Variants in FILIP1L observed in about 807,000 individuals in gnomAD.
The protein encoded by FILIP1L is filamin A interacting protein 1 like.
In FILIP1L, 55 loss-of-function variants were observed where a neutral mutation model predicts 96.6. The ratio of observed to expected loss-of-function variants is 0.57; its 90% confidence interval spans 0.46 to 0.71. The LOEUF (loss-of-function observed/expected upper bound fraction) is 0.71, where lower values mean the gene tolerates loss of function less well. FILIP1L is among the 30% of genes least tolerant of loss of function. The pLI is 0.00. For synonymous variants in FILIP1L, 467 were observed against 473.9 expected (o/e 0.99, Z 0.19); for missense variants, 1,304 against 1,321.2 (o/e 0.99, Z 0.20).
chr3:99,885,759 A>C lies in FILIP1L; in HGVS notation c.606-34689T>G, dbSNP rs145466480. ...CCTTCTTCTTCCCTCCTCTCTGCCC[A>C]AAAGACACACACACAAACACACACA... is the stretch of plus-strand genomic sequence containing the variant. On this transcript the variant is annotated intron_variant, in intron 4 of 5. Transcript: ENST00000477258. Among the ~76,000 whole-genome samples, 1,100 of 152,250 alleles carry C rather than the reference A, an allele frequency of 7.2e-3. 19 individuals carry two copies. Among genetic ancestry groups the C allele is most frequent in the African/African-American group, 0.024 (1,015 of 41,564 alleles).
At chr3:100,016,109 C>A (rs916790755) in intron 1 of FILIP1L, among the ~76,000 whole-genome samples, 2 of 152,028 alleles carry the variant, frequency 1.3e-5, no homozygotes, top group African/African-American at 4.8e-5. Context: ...CCTTGCAGGC[C>A]GTTTTGTGGA....
At chr3:99,851,212 A>G (rs1358344340) in intron 4 of FILIP1L, 142 bp from the exon 5 acceptor site, 3 of 618,254 alleles carry the variant, frequency 4.9e-6, no homozygotes, top group Non-Finnish European at 7.6e-6. Context: ...GAGTTCCTGA[A>G]TTTGATGACA....
intron 1 of FILIP1L, among the ~76,000 whole-genome samples, chr3:100,037,060 T>C (rs1294194382): frequency 6.6e-6 from 1 of 152,216 alleles, no homozygotes; most frequent in Non-Finnish European, 1.5e-5. Context: ...GTGTGGGTTC[T>C]TTCATTTGGA....
At chr3:99,983,385 AATAAATATATATAT>A (rs1214774692) in intron 1 of FILIP1L, among the ~76,000 whole-genome samples, 23 of 84,060 alleles carry the variant, frequency 2.7e-4, no homozygotes, top group Middle Eastern at 5.4e-3. Flanking sequence ...AAAATAAATA[AATAAATATATATAT>A]ATATATATAT....
chr3:99,927,304 C>A (rs1707324634), intron 3 of FILIP1L, among the ~76,000 whole-genome samples: 1 of 151,662 alleles, frequency 6.6e-6, no homozygotes, highest in Non-Finnish European at 1.5e-5. Context: ...CTAGGTTATG[C>A]TAATAATACT....
chr3:99,831,486 A>T (rs1309088728), intron 5 of FILIP1L, among the ~76,000 whole-genome samples: 2 of 152,224 alleles, frequency 1.3e-5, no homozygotes, highest in East Asian at 3.8e-4. Context: ...ACGAAAAAGG[A>T]AGGAAACAAC....
chr3:99,983,422 A>ATATATG lies in FILIP1L; in HGVS notation c.-10-52393_-10-52392insCATATA, dbSNP rs1559713456. On this transcript the variant is annotated intron_variant, in intron 1 of 5. Transcript: ENST00000477258. ...TATATATATATATATATATATATGTATGTATGTATGTATATATATGTATGT... is the reference window on the plus strand; with the variant it reads ...TATATATATATATATATATATATGTATATATGTGTATGTATGTATATATATGTATGT... 5.5e-4 allele frequency among the ~76,000 whole-genome samples: 48 copies of ATATATG among 86,926 alleles called. 1 individual carries two copies. The highest frequency in any genetic ancestry group is 8.0e-4 in the Non-Finnish European group (37 of 46,058). 57.0% of individuals were successfully genotyped at this position (86,926 alleles called of 152,430 possible). A position where few individuals can be genotyped will look rare whatever the true frequency, so the allele number is the denominator to read the frequency against.
chr3:99,860,737 AG>A (rs1006306320), intron 4 of FILIP1L, among the ~76,000 whole-genome samples: 1 of 152,190 alleles, frequency 6.6e-6, no homozygotes, highest in Non-Finnish European at 1.5e-5. Flanking sequence ...TGGAACTGAC[AG>A]GGGAGTGACA....
At chr3:99,853,763 C>T (rs1435215824) in intron 4 of FILIP1L, among the ~76,000 whole-genome samples, 1 of 152,158 alleles carries the variant, frequency 6.6e-6, no homozygotes, top group East Asian at 1.9e-4. Flanking sequence ...TTCCAATAAC[C>T]TGCTATTTTC....
At chr3:100,087,218 G>A (rs2066024390) in intron 1 of FILIP1L, among the ~76,000 whole-genome samples, 2 of 152,212 alleles carry the variant, frequency 1.3e-5, no homozygotes, top group African/African-American at 4.8e-5. Flanking sequence ...CTCTAGGAGT[G>A]GAATTACTGG....
chr3:99,996,352 T>C (rs563712766), intron 1 of FILIP1L, among the ~76,000 whole-genome samples: 9 of 152,318 alleles, frequency 5.9e-5, no homozygotes, highest in African/African-American at 2.2e-4. Context: ...CTGGACCTTA[T>C]TGTCCATATC....
intron 1 of FILIP1L, among the ~76,000 whole-genome samples, chr3:100,024,891 A>T (rs17392822): frequency 3.9e-5 from 6 of 152,164 alleles, no homozygotes; most frequent in African/African-American, 1.4e-4. Flanking sequence ...CTTTCAAGCT[A>T]TCAGGGCACC....
intron 1 of FILIP1L, among the ~76,000 whole-genome samples, chr3:99,971,624 G>T (rs1336533817): frequency 6.6e-6 from 1 of 152,110 alleles, no homozygotes; most frequent in East Asian, 1.9e-4. Flanking sequence ...ATCTAAGTTG[G>T]TACCAGAGTA....
intron 1 of FILIP1L, among the ~76,000 whole-genome samples, chr3:100,064,969 C>T (rs1422331906): frequency 6.6e-6 from 1 of 152,160 alleles, no homozygotes; most frequent in African/African-American, 2.4e-5. Context: ...ATGTTAAACA[C>T]ACACATACAC....
At chr3:99,999,697 G>A (rs1486704806) in intron 1 of FILIP1L, among the ~76,000 whole-genome samples, 1 of 152,064 alleles carries the variant, frequency 6.6e-6, no homozygotes, top group Non-Finnish European at 1.5e-5. Flanking sequence ...TTTATGATTT[G>A]CCAGAAGTTC....
intron 1 of FILIP1L, among the ~76,000 whole-genome samples, chr3:100,071,627 A>G (rs1171453752): frequency 1.3e-5 from 2 of 152,162 alleles, no homozygotes; most frequent in Non-Finnish European, 1.5e-5. Flanking sequence ...TTGGAAGTCA[A>G]CTTCTGGACA....
At chr3:100,109,278 C>T (rs796819570) in intron 1 of FILIP1L, among the ~76,000 whole-genome samples, 5 of 152,092 alleles carry the variant, frequency 3.3e-5, no homozygotes, top group African/African-American at 9.6e-5. Context: ...AAGCAGGATA[C>T]GCTGGTTGAA....
intron 5 of FILIP1L, 87 bp downstream of exon 5, chr3:99,848,208 G>T: frequency 6.4e-7 from 1 of 1,569,472 alleles, no homozygotes. Flanking sequence ...GATATGGAGG[G>T]ATGATTAAAA....
chr3:100,061,315 T>A (rs142693727), intron 1 of FILIP1L, among the ~76,000 whole-genome samples: 2 of 152,224 alleles, frequency 1.3e-5, no homozygotes, highest in Non-Finnish European at 2.9e-5. Flanking sequence ...TGAGTCCAAG[T>A]TGGGGCCAAG....
Sources: allele counts gnomAD v4.1 joint callset (sites outside exome capture counted in the v4.1 genomes callset), GRCh38; gene constraint gnomAD v4.1.1; transcripts MANE v1.5; gene names NCBI Gene and HGNC (gene_info 2026-07-23, HGNC 2026-07-21).